Variants in PLD5 observed in about 807,000 individuals in gnomAD.
The protein encoded by PLD5 is inactive phospholipase D5.
PLD5 carries 36 observed loss-of-function variants against 61.1 expected under a neutral mutation model. The observed-to-expected ratio is 0.59, with a 90% CI of 0.45 to 0.78. The LOEUF (loss-of-function observed/expected upper bound fraction) is 0.78, where lower values mean the gene tolerates loss of function less well. Among genes scored for constraint, PLD5 ranks in the 30% least tolerant of loss-of-function variants. The pLI is 0.00. For missense variants in PLD5, 515 were observed against 644.4 expected, an observed-to-expected ratio of 0.80 and a Z score of 2.17; for synonymous variants, 243 against 242.8, an observed-to-expected ratio of 1.00 and a Z score of -0.01.
intron 1 of PLD5, among the ~76,000 whole-genome samples, chr1:242,351,061 C>A (rs539032857): frequency 6.6e-6 from 1 of 152,128 alleles, no homozygotes; most frequent in South Asian, 2.1e-4. Flanking sequence ...ACCACTACAA[C>A]CAGCTAATTT....
intron 3 of PLD5, among the ~76,000 whole-genome samples, chr1:242,287,676 A>G (rs1218538747): frequency 1.3e-5 from 2 of 152,208 alleles, no homozygotes; most frequent in African/African-American, 4.8e-5. Flanking sequence ...ATATTTAGAT[A>G]GGGTAGCTTA....
intron 8 of PLD5, among the ~76,000 whole-genome samples, chr1:242,104,226 C>T (rs1660879493): frequency 6.7e-6 from 1 of 150,066 alleles, no homozygotes; most frequent in African/African-American, 2.4e-5. Context: ...AAGTGATCCT[C>T]TTGCCTCTAC....
At chr1:242,465,015 G>A (rs1214301783) in intron 1 of PLD5, among the ~76,000 whole-genome samples, 2 of 152,180 alleles carry the variant, frequency 1.3e-5, no homozygotes, top group Non-Finnish European at 2.9e-5. Context: ...AATGGCAGGT[G>A]ACTCTTTCTG....
chr1:242,377,648 G>GTAAA (rs376291167), intron 1 of PLD5, among the ~76,000 whole-genome samples: 55 of 151,866 alleles, frequency 3.6e-4, no homozygotes, highest in African/African-American at 1.3e-3. Context: ...AAAAAAGCAG[G>GTAAA]TAAATAAATA....
At chr1:242,250,551 TTTAC>T (rs1473037882) in intron 4 of PLD5, among the ~76,000 whole-genome samples, 1 of 152,222 alleles carries the variant, frequency 6.6e-6, no homozygotes. Flanking sequence ...AGTGCTATTA[TTTAC>T]TTAATTACAC....
chr1:242,110,957 A>G (rs1661439696), intron 7 of PLD5, among the ~76,000 whole-genome samples: 1 of 152,372 alleles, frequency 6.6e-6, no homozygotes, highest in Admixed American at 6.5e-5. Flanking sequence ...GACTGAAGAA[A>G]TAAATAATGA....
At chr1:242,144,336 T>G (rs1460062739) in intron 5 of PLD5, among the ~76,000 whole-genome samples, 3 of 152,106 alleles carry the variant, frequency 2.0e-5, no homozygotes, top group Non-Finnish European at 4.4e-5. Context: ...CTTGGGGTAT[T>G]AAGTGAAATA....
Position 242,088,925 on chromosome 1 carries a change from G to A in PLD5, c.*929C>T, listed in dbSNP as rs539799114. ...TCTAAAGAAATTAAAATCCACTGAC[G>A]CATAGAGATTTTTTCCTTTATAATA... On this transcript the variant is annotated 3_prime_UTR_variant, in exon 10 of 10. Coordinates refer to ENST00000536534, the MANE Select transcript of PLD5 (RefSeq NM_001372062.1). The A allele has an allele frequency of 3.7e-3, 493 of 134,762 alleles. 3 individuals carry two copies. The highest frequency in any genetic ancestry group is 5.3e-3 in the Non-Finnish European group (354 of 66,702). 8.3% of individuals were successfully genotyped at this position (134,762 alleles called of 1,614,324 possible).
chr1:242,089,412 A>T lies in PLD5; in HGVS notation c.*442T>A. On this transcript the variant is annotated 3_prime_UTR_variant, in exon 10 of 10. Transcript: ENST00000536534. ...TGTGTAGGTCTTGGAGACGATTTAC[A>T]AGAATAAACACTTGGTTTTATCAGT... 1 of 397,448 alleles carries T rather than the reference A, an allele frequency of 2.5e-6. No individual in the cohort carries two copies. The highest frequency in any genetic ancestry group is 4.4e-5 in the Admixed American group (1 of 22,762). 24.6% of individuals were successfully genotyped at this position (397,448 alleles called of 1,614,324 possible).
At chr1:242,328,887 T>C (rs1483065656) in intron 2 of PLD5, among the ~76,000 whole-genome samples, 3 of 152,236 alleles carry the variant, frequency 2.0e-5, no homozygotes, top group East Asian at 3.8e-4. Flanking sequence ...GATTTTACTA[T>C]GGCATTTGAC....
At chr1:242,179,921 AGTGTGTGT>A (rs4039792) in intron 5 of PLD5, among the ~76,000 whole-genome samples, 3 of 150,552 alleles carry the variant, frequency 2.0e-5, no homozygotes, top group Non-Finnish European at 4.4e-5. Context: ...ACCAAAATTG[AGTGTGTGT>A]GTGTGTGTGT....
intron 1 of PLD5, among the ~76,000 whole-genome samples, chr1:242,479,355 T>C (rs1201074022): frequency 6.6e-6 from 1 of 152,150 alleles, no homozygotes; most frequent in Admixed American, 6.6e-5. Context: ...ATAAGATCAA[T>C]ATACAAAAAT....
chr1:242,331,816 G>T (rs1337200615), intron 2 of PLD5, among the ~76,000 whole-genome samples: 1 of 152,110 alleles, frequency 6.6e-6, no homozygotes, highest in African/African-American at 2.4e-5. Flanking sequence ...AATACTTCTA[G>T]AATCCTAGAG....
At position 242,127,491 on chromosome 1, in the gene PLD5, A is replaced by G. The variant is rs1474241108; in HGVS notation, c.736-2826T>C. 2.6e-5 allele frequency among the ~76,000 whole-genome samples: 4 copies of G among 152,318 alleles called. No homozygotes were observed. In the East Asian group the frequency reaches 7.7e-4, roughly 29 times the overall value. ...CTCAGCCATAAAAAGGAATGAATTA[A>G]TGGCATTCACAGCAACCTGGATGGG... On this transcript the variant is annotated intron_variant, in intron 5 of 9. Transcript: ENST00000536534.
At chr1:242,092,259 T>C (rs1388467640) in intron 9 of PLD5, among the ~76,000 whole-genome samples, 2 of 152,160 alleles carry the variant, frequency 1.3e-5, no homozygotes, top group African/African-American at 4.8e-5. Context: ...CCTAAGTAGC[T>C]GTGAGTACAG....
chr1:242,421,807 A>T (rs1043068001), intron 1 of PLD5, among the ~76,000 whole-genome samples: 16 of 152,354 alleles, frequency 1.1e-4, no homozygotes, highest in South Asian at 4.1e-4. Flanking sequence ...ATTTAAATAT[A>T]TTAAAGGAGC....
intron 4 of PLD5, among the ~76,000 whole-genome samples, chr1:242,225,604 T>C (rs1211885025): frequency 6.6e-6 from 1 of 151,574 alleles, no homozygotes; most frequent in Non-Finnish European, 1.5e-5. Flanking sequence ...TGCTGTCATG[T>C]GGAACAGTGG....
chr1:242,207,991 TACACAC>T lies in PLD5; in HGVS notation c.735+11991_735+11996del, dbSNP rs34110062. On this transcript the variant is annotated intron_variant, in intron 5 of 9. Coordinates refer to ENST00000536534, the MANE Select transcript of PLD5 (RefSeq NM_001372062.1). ...ATATATATTTTTATATATATATTTA[TACACAC>T]ACACACACACACACACACACACACA... is the stretch of plus-strand genomic sequence containing the variant. Among the ~76,000 whole-genome samples, 228 of 40,254 alleles carry T rather than the reference TACACAC, an allele frequency of 5.7e-3. 22 individuals carry two copies. The highest frequency in any genetic ancestry group is 0.03 in the African/African-American group (207 of 6,832). The allele number at this position is 40,254 out of a possible 152,430, so 26.4% of individuals were successfully genotyped here.
Position 242,393,674 on chromosome 1 carries a change from G to GTA in PLD5, c.190-45434_190-45433dup, listed in dbSNP as rs201410753. 2.4e-3 allele frequency among the ~76,000 whole-genome samples: 154 copies of GTA among 65,408 alleles called. 9 individuals are homozygous for GTA. Among genetic ancestry groups the GTA allele is most frequent in the African/African-American group, 9.2e-3 (146 of 15,914 alleles). 42.9% of individuals were successfully genotyped at this position (65,408 alleles called of 152,430 possible). ...TGAGTATATATGTGTATATATATGA[G>GTA]TATATATGTGTATATATATGAGTAT... On this transcript the variant is annotated intron_variant, in intron 1 of 9. Transcript: ENST00000536534.
Sources: allele counts gnomAD v4.1 joint callset (sites outside exome capture counted in the v4.1 genomes callset), GRCh38; gene constraint gnomAD v4.1.1; transcripts MANE v1.5; gene names NCBI Gene and HGNC (gene_info 2026-07-23, HGNC 2026-07-21).